The following MOCS2 variants were observed in gnomAD, a reference collection of about 807,000 sequenced individuals.
MOCS2 encodes molybdopterin synthase catalytic subunit.
MOCS2 carries 13 observed loss-of-function variants against 21.9 expected under a neutral mutation model. That is an observed-to-expected ratio of 0.59 (90% CI 0.39 to 0.94). The LOEUF (loss-of-function observed/expected upper bound fraction) is 0.94, where lower values mean the gene tolerates loss of function less well. Ranked by LOEUF, MOCS2 falls within the 40% of genes least tolerant of loss-of-function variation. MOCS2 has a pLI of 0.00. For missense variants in MOCS2, 227 were observed against 218.3 expected, an observed-to-expected ratio of 1.04 and a Z score of -0.25; for synonymous variants, 92 against 80.8, an observed-to-expected ratio of 1.14 and a Z score of -0.74.
rs762279726 is a variant in MOCS2 at position 53,109,731 on chromosome 5, C to A, written c.-650G>T. On this transcript the variant is annotated 5_prime_UTR_variant, in exon 1 of 7. Transcript: ENST00000396954. Reference sequence around the variant, plus strand: ...CCTTACCTGGCACAGCGGCACCATCCCGCCTAGGACAGCGGGACCGAATCA... The same window carrying A: ...CCTTACCTGGCACAGCGGCACCATCACGCCTAGGACAGCGGGACCGAATCA... 3.2e-6 allele frequency: 5 copies of A among 1,550,604 alleles called. No individual in the cohort carries two copies. The South Asian group carries it at 4.8e-5, about 15-fold the overall frequency.
intron 3 of MOCS2, among the ~76,000 whole-genome samples, chr5:53,102,648 C>A (rs1049489348): frequency 1.5e-5 from 2 of 133,656 alleles, no homozygotes; most frequent in African/African-American, 5.8e-5. Flanking sequence ...AGTCTGCAGC[C>A]CTCATAATAA....
At chr5:53,101,190 A>G in intron 5 of MOCS2, 169 bp downstream of exon 5, 1 of 724,850 alleles carries the variant, frequency 1.4e-6, no homozygotes, top group East Asian at 2.7e-5. Context: ...AAAACTCACT[A>G]GGCAGTCCCT....
At position 53,097,763 on chromosome 5, in the gene MOCS2, A is replaced by G. The variant is rs1232270356; in HGVS notation, c.*839T>C. 3 of 152,184 alleles carry G rather than the reference A, an allele frequency of 2.0e-5. No homozygotes were observed. The highest frequency in any genetic ancestry group is 4.4e-5 in the Non-Finnish European group (3 of 68,028). 9.4% of individuals were successfully genotyped at this position (152,184 alleles called of 1,614,324 possible). ...CATACAATTTTTGTCAAGTATACCT[A>G]AATAAAGCTGGAAAAAAAAATTTAA... On this transcript the variant is annotated 3_prime_UTR_variant, in exon 7 of 7. Transcript: ENST00000396954.
At chr5:53,100,615 A>C (rs1740884527) in intron 5 of MOCS2, 81 bp from the exon 6 acceptor site, 3 of 1,469,118 alleles carry the variant, frequency 2.0e-6, no homozygotes, top group Non-Finnish European at 2.8e-6. Context: ...AGATGAAAAA[A>C]AATCCAGGTA....
intron 3 of MOCS2, among the ~76,000 whole-genome samples, chr5:53,104,339 T>G (rs2112087239): frequency 6.6e-6 from 1 of 152,304 alleles, no homozygotes; most frequent in Non-Finnish European, 1.5e-5. Context: ...TACTAAAACC[T>G]AGCTGGCAGG....
Position 53,100,512 on chromosome 5 carries a change from T to A in MOCS2, c.400A>T (p.Ser134Cys). The A allele has an allele frequency of 6.2e-7, 1 of 1,613,800 alleles. No individual in the cohort carries two copies. The highest frequency in any genetic ancestry group is 8.5e-7 in the Non-Finnish European group (1 of 1,179,828). Reference protein sequence around the residue: ...RLGLVPVSEASIIIAVSSAHR... With the variant: ...RLGLVPVSEACIIIAVSSAHR... ...GCTGAGGACACAGCAATGATTATGC[T>A]TGCTTCTGACACTGGAACCAAGCTT... The change falls in exon 6 of 7, where the codon AGC becomes TGC. Residue 134 changes from serine (S) to cysteine (C), a missense_variant. Transcript: ENST00000396954.
At chr5:53,098,869 C>G (rs1039186137) in intron 6 of MOCS2, among the ~76,000 whole-genome samples, 2 of 151,784 alleles carry the variant, frequency 1.3e-5, no homozygotes, top group African/African-American at 4.8e-5. Context: ...TTTTTCTTTC[C>G]AAACATACCT....
At position 53,108,647 on chromosome 5, in the gene MOCS2, A is replaced by T. The variant is rs773151895; in HGVS notation, c.-169-4T>A. ...TTGCAAAATACAATACTTCAACCTG[A>T]AAGTAAAGAAAATGCTTTTAATAAC... On this transcript the variant is annotated splice_region_variant and splice_polypyrimidine_tract_variant and intron_variant, in intron 1 of 6. Coordinates refer to ENST00000396954, the MANE Select transcript of MOCS2 (RefSeq NM_004531.5). 9.9e-6 allele frequency: 16 copies of T among 1,611,346 alleles called. No individual in the cohort carries two copies. The African/African-American group carries it at 1.1e-4, about 11-fold the overall frequency.
Sources: gnomAD v4.1 joint callset for allele counts (sites outside exome capture counted in the v4.1 genomes callset) on GRCh38, gnomAD v4.1.1 for gene constraint, MANE v1.5 for transcripts, NCBI Gene and HGNC (gene_info 2026-07-23, HGNC 2026-07-21) for gene names.